ZMAT3: variants seen among roughly 807,000 people sequenced by gnomAD.
ZMAT3 encodes the protein zinc finger matrin-type protein 3.
In ZMAT3, 17 loss-of-function variants were observed where a neutral mutation model predicts 32.3. The ratio of observed to expected loss-of-function variants is 0.53; its 90% CI spans 0.36 to 0.79. ZMAT3 has a LOEUF of 0.79. Among genes scored for constraint, ZMAT3 ranks in the 30% least tolerant of loss-of-function variants. ZMAT3 has a pLI of 0.00. For synonymous variants in ZMAT3, 120 were observed against 133.1 expected (o/e 0.90, Z 0.68); for missense variants, 329 against 359.7 (o/e 0.91, Z 0.69).
At chr3:179,032,866 TG>T (rs1303542897) in intron 2 of ZMAT3, among the ~76,000 whole-genome samples, 2 of 144,938 alleles carry the variant, frequency 1.4e-5, no homozygotes, top group African/African-American at 5.2e-5. Context: ...ATCCAGGAGG[TG>T]GGGGGCAGCC....
intron 2 of ZMAT3, among the ~76,000 whole-genome samples, chr3:179,047,920 CA>C (rs1181838714): frequency 6.6e-6 from 1 of 151,016 alleles, no homozygotes; most frequent in East Asian, 1.9e-4. Flanking sequence ...AAAAATAATA[CA>C]GGTATGAATG....
chr3:179,033,108 T>A (rs1043145561), intron 2 of ZMAT3, among the ~76,000 whole-genome samples: 1 of 152,180 alleles, frequency 6.6e-6, no homozygotes, highest in East Asian at 1.9e-4. Context: ...TAGAAAGAAG[T>A]AGACATAGGA....
chr3:179,062,731 G>C (rs542821383), intron 2 of ZMAT3, among the ~76,000 whole-genome samples: 1 of 152,136 alleles, frequency 6.6e-6, no homozygotes, highest in Non-Finnish European at 1.5e-5. Context: ...ATTTTATTTT[G>C]CCTCATTTGT....
In ZMAT3 at chr3:179,051,987, G is replaced by A. The variant is rs192722471; in HGVS notation, c.270+15496C>T. Among the ~76,000 whole-genome samples the A allele has an allele frequency of 3.7e-4, 57 of 152,246 alleles. No homozygotes were observed. In the East Asian group the frequency reaches 4.1e-3, roughly 11 times the overall value. ...ATTGGCAAGTCGCACGTAGAATAAC[G>A]AAACTGGATCCTCATCTCTCACCTT... On this transcript the variant is annotated intron_variant, in intron 2 of 5. Transcript: ENST00000311417.
intron 5 of ZMAT3, among the ~76,000 whole-genome samples, chr3:179,026,418 G>T (rs1576835113): frequency 2.1e-5 from 2 of 95,298 alleles, no homozygotes; most frequent in African/African-American, 4.2e-5. Context: ...ACAGAGTCTT[G>T]CTCTGTCACC....
chr3:179,032,910 G>A (rs548905781), intron 2 of ZMAT3, among the ~76,000 whole-genome samples: 2 of 149,268 alleles, frequency 1.3e-5, no homozygotes, highest in Admixed American at 6.7e-5. Flanking sequence ...TGGGAGGTGG[G>A]GGGGCGTCTC....
At position 179,024,880 on chromosome 3, in the gene ZMAT3, C is replaced by A; in HGVS notation, c.*137G>T. On this transcript the variant is annotated 3_prime_UTR_variant, in exon 6 of 6. Transcript: ENST00000311417. ...CCCGGGCCCCCAGGTTTTGACATCT[C>A]ATGGTACCACTGTGGGTTACATGTA... 1.4e-6 allele frequency: 1 copy of A among 693,792 alleles called. No individual in the cohort carries two copies. Among genetic ancestry groups the A allele is most frequent in the Non-Finnish European group, 2.3e-6 (1 of 428,484 alleles). 43.0% of individuals were successfully genotyped at this position (693,792 alleles called of 1,614,324 possible).
rs113403165 is a variant in ZMAT3, at chr3:179,030,901, T to C, written c.369A>G (p.Pro123=). Residue 123 remains proline, a synonymous_variant, in exon 3 of 6, where the codon CCA becomes CCG. Transcript: ENST00000311417. ...MSNVVEPAAT[P]VVPVPPQMGS... ...TCACCTGCGGAGGGACTGGAACAAC[T>C]GGAGTAGCTGCAGGCTCGACCACAT... 1.1e-5 allele frequency: 17 copies of C among 1,613,690 alleles called. No individual in the cohort carries two copies. In the African/African-American group the frequency reaches 1.3e-4, roughly 13 times the overall value.
chr3:179,018,934 T>C lies in ZMAT3; in HGVS notation c.*6083A>G, dbSNP rs1305466161. 1 of 152,166 alleles carries C rather than the reference T, an allele frequency of 6.6e-6. No individual in the cohort carries two copies. 9.4% of individuals were successfully genotyped at this position (152,166 alleles called of 1,614,324 possible). A position where few individuals can be genotyped will look rare whatever the true frequency, so the allele number is the denominator to read the frequency against. Reference sequence around the variant, plus strand: ...GAGTTGTTTAAAACAGCTAATTATATAGGGGTTTGACCCTTTACTCCCCTC... The same window carrying C: ...GAGTTGTTTAAAACAGCTAATTATACAGGGGTTTGACCCTTTACTCCCCTC... On this transcript the variant is annotated 3_prime_UTR_variant, in exon 6 of 6. Transcript: ENST00000311417.
chr3:179,033,679 A>G (rs1428883513), intron 2 of ZMAT3, among the ~76,000 whole-genome samples: 1 of 152,268 alleles, frequency 6.6e-6, no homozygotes, highest in Non-Finnish European at 1.5e-5. Context: ...TTTATAAGTT[A>G]GTAATGAAAT....
rs184846921 is a variant in ZMAT3 at position 179,066,489 on chromosome 3, C to T, written c.270+994G>A. Among the ~76,000 whole-genome samples, 114 of 152,282 alleles carry T rather than the reference C, an allele frequency of 7.5e-4. 1 individual carries two copies. Among genetic ancestry groups the T allele is most frequent in the Admixed American group, 2.3e-3 (35 of 15,294 alleles). On this transcript the variant is annotated intron_variant, in intron 2 of 5. Coordinates refer to ENST00000311417, the MANE Select transcript of ZMAT3 (RefSeq NM_022470.4). Reference sequence around the variant, plus strand: ...AAAACAAAACAGAAAAGACTTAACACCCACAGTAAACAAAGTGGAGAAAGT... The same window carrying T: ...AAAACAAAACAGAAAAGACTTAACATCCACAGTAAACAAAGTGGAGAAAGT...
At chr3:179,070,464 C>T (rs1048379246) in intron 1 of ZMAT3, among the ~76,000 whole-genome samples, 1 of 152,204 alleles carries the variant, frequency 6.6e-6, no homozygotes, top group Non-Finnish European at 1.5e-5. Flanking sequence ...ACAATCAACA[C>T]AATGTCGACT....
intron 2 of ZMAT3, among the ~76,000 whole-genome samples, chr3:179,032,157 C>T (rs1719280709): frequency 6.6e-6 from 1 of 151,260 alleles, no homozygotes; most frequent in Admixed American, 6.6e-5. Context: ...TGTGCGCCGC[C>T]ACGCCTGACT....
chr3:179,045,459 C>A (rs917281056), intron 2 of ZMAT3, among the ~76,000 whole-genome samples: 1 of 152,144 alleles, frequency 6.6e-6, no homozygotes, highest in African/African-American at 2.4e-5. Flanking sequence ...TGAAAGTAAA[C>A]ACTCTAGGGC....
At chr3:179,061,462 G>C (rs1721147799) in intron 2 of ZMAT3, among the ~76,000 whole-genome samples, 1 of 152,136 alleles carries the variant, frequency 6.6e-6, no homozygotes, top group Non-Finnish European at 1.5e-5. Flanking sequence ...AGAACAACTA[G>C]TCAAAATCAG....
chr3:179,040,894 T>A (rs1359201727), intron 2 of ZMAT3, among the ~76,000 whole-genome samples: 7 of 91,168 alleles, frequency 7.7e-5, no homozygotes, highest in Admixed American at 2.5e-4. Flanking sequence ...ACCAAGCAAA[T>A]GGAAAGCAAA....
intron 2 of ZMAT3, among the ~76,000 whole-genome samples, chr3:179,059,004 C>G (rs927335358): frequency 6.6e-6 from 1 of 152,080 alleles, no homozygotes; most frequent in Non-Finnish European, 1.5e-5. Flanking sequence ...AAGGGAATTC[C>G]TAACTTCCAA....
At chr3:179,060,777 A>ATC (rs780487427) in intron 2 of ZMAT3, among the ~76,000 whole-genome samples, 19 of 152,336 alleles carry the variant, frequency 1.2e-4, no homozygotes, top group East Asian at 5.8e-4. Context: ...TCATTGTCAG[A>ATC]TCTCAGACTA....
At chr3:179,055,716 T>C (rs934387363) in intron 2 of ZMAT3, among the ~76,000 whole-genome samples, 3 of 152,184 alleles carry the variant, frequency 2.0e-5, no homozygotes, top group Non-Finnish European at 4.4e-5. Flanking sequence ...CTGACGGCTA[T>C]ATTGATGTTT....
Sources: gnomAD v4.1 joint callset for allele counts (sites outside exome capture counted in the v4.1 genomes callset) on GRCh38, gnomAD v4.1.1 for gene constraint, MANE v1.5 for transcripts, NCBI Gene and HGNC (gene_info 2026-07-23, HGNC 2026-07-21) for gene names.